AP3B1: variants seen among roughly 807,000 people sequenced by gnomAD.
AP3B1 encodes AP-3 complex subunit beta-1.
A neutral mutation model predicts 132.5 loss-of-function variants in AP3B1; 61 were observed. The ratio of observed to expected loss-of-function variants is 0.46; its 90% confidence interval spans 0.37 to 0.57. The LOEUF (loss-of-function observed/expected upper bound fraction) is 0.57. AP3B1 is among the 20% of genes least tolerant of loss of function. AP3B1 has a pLI of 0.00. For synonymous variants in AP3B1, 388 were observed against 438.3 expected, an observed-to-expected ratio of 0.89 and a Z score of 1.43; for missense variants, 1,120 against 1,289.4, an observed-to-expected ratio of 0.87 and a Z score of 2.01.
chr5:78,066,107 A>G (rs1460362050), intron 22 of AP3B1, among the ~76,000 whole-genome samples: 1 of 152,216 alleles, frequency 6.6e-6, no homozygotes, highest in Non-Finnish European at 1.5e-5. Context: ...AAAGAAAAAC[A>G]AACATCAAGC....
intron 4 of AP3B1, among the ~76,000 whole-genome samples, chr5:78,227,756 T>C (rs1746459610): frequency 6.6e-6 from 1 of 152,200 alleles, no homozygotes; most frequent in Non-Finnish European, 1.5e-5. Flanking sequence ...GTTATAATTC[T>C]AGTTGGTCAT....
intron 2 of AP3B1, among the ~76,000 whole-genome samples, chr5:78,258,359 TA>T (rs1169287703): frequency 2.6e-5 from 4 of 152,044 alleles, no homozygotes; most frequent in Non-Finnish European, 5.9e-5. Context: ...GATCAAATGA[TA>T]AAAAGGGGGC....
chr5:78,282,578 T>C (rs763241894), intron 1 of AP3B1, among the ~76,000 whole-genome samples: 1 of 152,220 alleles, frequency 6.6e-6, no homozygotes, highest in Non-Finnish European at 1.5e-5. Context: ...ATATATTTAG[T>C]TGTTTCAAAC....
intron 22 of AP3B1, among the ~76,000 whole-genome samples, chr5:78,071,497 C>T (rs778909396): frequency 6.6e-6 from 1 of 152,112 alleles, no homozygotes; most frequent in Non-Finnish European, 1.5e-5. Context: ...TGCAGCAAAC[C>T]ACCACAGCAC....
chr5:78,236,460 A>G (rs1741535573), intron 3 of AP3B1, among the ~76,000 whole-genome samples: 1 of 152,254 alleles, frequency 6.6e-6, no homozygotes, highest in East Asian at 1.9e-4. Flanking sequence ...AGGAATCATC[A>G]AACAGGAAAG....
intron 1 of AP3B1, among the ~76,000 whole-genome samples, chr5:78,267,966 A>T (rs1419019056): frequency 6.6e-6 from 1 of 152,238 alleles, no homozygotes; most frequent in Non-Finnish European, 1.5e-5. Flanking sequence ...AATGCAATGA[A>T]ATTTATTATG....
chr5:78,124,949 A>G (rs942824088), intron 17 of AP3B1, among the ~76,000 whole-genome samples: 29 of 152,170 alleles, frequency 1.9e-4, no homozygotes, highest in African/African-American at 6.8e-4. Flanking sequence ...TCAGGTTTTA[A>G]AAGGCCAAAG....
At chr5:78,025,455 T>G (rs558972884) in intron 24 of AP3B1, among the ~76,000 whole-genome samples, 3 of 152,336 alleles carry the variant, frequency 2.0e-5, no homozygotes, top group African/African-American at 7.2e-5. Context: ...AAACATATTT[T>G]TCGGCCTCTC....
In AP3B1 at chr5:78,267,568, C is replaced by T. The variant is rs1748377172; in HGVS notation, c.156G>A (p.Glu52=). 6.2e-7 allele frequency: 1 copy of T among 1,610,656 alleles called. No individual in the cohort carries two copies. Among genetic ancestry groups the T allele is most frequent in the African/African-American group, 1.3e-5 (1 of 74,814 alleles). The change falls in exon 2 of 27, where the codon GAG becomes GAA. Residue 52 remains glutamate, a synonymous_variant. Transcript: ENST00000255194. ...CCAGTTTAGCAGAATCTTTGTTGCT[C>T]TCTAACATTTGCTTTAGATCTTCAT... The part of the protein sequence containing the change: ...KKNEDLKQML[E]SNKDSAKLDA...
chr5:78,155,568 A>C (rs747722912), intron 14 of AP3B1, among the ~76,000 whole-genome samples: 2 of 152,202 alleles, frequency 1.3e-5, no homozygotes, highest in African/African-American at 4.8e-5. Flanking sequence ...ATATAAAGGA[A>C]TGAAGTACTA....
chr5:78,239,507 G>A (rs1466067253), intron 3 of AP3B1, among the ~76,000 whole-genome samples: 3 of 147,616 alleles, frequency 2.0e-5, no homozygotes, highest in East Asian at 4.0e-4. Flanking sequence ...GGCACGGTTG[G>A]TCACGCCTGT....
chr5:78,002,922 G>C lies in AP3B1; in HGVS notation c.3265C>G (p.Pro1089Ala), dbSNP rs137901104. Residue 1089 changes from proline (P) to alanine (A), a missense_variant, in exon 27 of 27, where the codon CCT becomes GCT. By Grantham distance (27) the Pro-to-Ala change is conservative. Around this residue, in one of 3 missense-constraint regions of AP3B1, gnomAD observed 906 missense variants for 997.1 expected, o/e 0.91. Coordinates refer to ENST00000255194, the MANE Select transcript of AP3B1 (RefSeq NM_003664.5). The stretch of plus-strand genomic sequence containing the variant: ...GCAGGTTACCCCTGAGACAGGACAG[G>C]CTTCAGTTCCCGCAGCAGAACAGAG... The part of the protein sequence containing the change: ...IGSVLLRELK[P>A]VLSQG 1.9e-6 allele frequency: 3 copies of C among 1,614,172 alleles called. No individual in the cohort carries two copies. Among genetic ancestry groups the C allele is most frequent in the East Asian group, 4.5e-5 (2 of 44,882 alleles).
chr5:78,282,848 C>CAAAA (rs70997985), intron 1 of AP3B1, among the ~76,000 whole-genome samples: 8 of 129,368 alleles, frequency 6.2e-5, no homozygotes, highest in African/African-American at 2.0e-4. Context: ...TTGTCTCTAC[C>CAAAA]AAAAAAAAAA....
intron 2 of AP3B1, among the ~76,000 whole-genome samples, chr5:78,254,060 A>G (rs1747754373): frequency 6.6e-6 from 1 of 151,972 alleles, no homozygotes. Context: ...TGCAGTTGAT[A>G]TACTGAAGAA....
At chr5:78,093,834 T>A (rs1256687928) in intron 21 of AP3B1, among the ~76,000 whole-genome samples, 2 of 152,218 alleles carry the variant, frequency 1.3e-5, no homozygotes, top group African/African-American at 4.8e-5. Flanking sequence ...ATTTGTACCA[T>A]CCCAATTTTA....
chr5:78,129,080 T>G, intron 16 of AP3B1, 41 bp downstream of exon 16: 2 of 1,543,432 alleles, frequency 1.3e-6, no homozygotes, highest in Non-Finnish European at 1.8e-6. Context: ...TGTCATAATT[T>G]TTTAGATAAC....
intron 20 of AP3B1, among the ~76,000 whole-genome samples, chr5:78,109,516 T>C (rs1751482851): frequency 6.6e-6 from 1 of 152,176 alleles, no homozygotes; most frequent in East Asian, 1.9e-4. Context: ...ACTTGAAGTC[T>C]AGCATGAACA....
chr5:78,071,401 C>T (rs252741), intron 22 of AP3B1, among the ~76,000 whole-genome samples: 25,428 of 151,924 alleles, frequency 0.17, 2,763 homozygotes, highest in Admixed American at 0.33. Context: ...CCCACTGGGG[C>T]CTGTCAGGGG....
intron 1 of AP3B1, among the ~76,000 whole-genome samples, chr5:78,282,530 G>T (rs1749103496): frequency 6.6e-6 from 1 of 151,954 alleles, no homozygotes; most frequent in Non-Finnish European, 1.5e-5. Context: ...GTATTAAGCT[G>T]GTGCAAAAGT....
Sources: gnomAD v4.1 joint callset for allele counts (sites outside exome capture counted in the v4.1 genomes callset) on GRCh38, gnomAD v4.1.1 for gene constraint, gnomAD v4.1.1 regional missense constraint, MANE v1.5 for transcripts, NCBI Gene and HGNC (gene_info 2026-07-23, HGNC 2026-07-21) for gene names.